Variants in CTNNA3 observed in about 807,000 individuals in gnomAD.
CTNNA3 encodes catenin alpha-3.
CTNNA3 carries 76 observed loss-of-function variants against 95.7 expected under a neutral mutation model. That is an observed-to-expected ratio of 0.79 (90% CI 0.66 to 0.96). The LOEUF (loss-of-function observed/expected upper bound fraction) is 0.96, where lower values mean the gene tolerates loss of function less well. Ranked by LOEUF, CTNNA3 falls within the 40% of genes least tolerant of loss-of-function variation. CTNNA3 has a pLI of 0.00. For missense variants in CTNNA3, 1,191 were observed against 1,089.8 expected, an observed-to-expected ratio of 1.09 and a Z score of -1.31; for synonymous variants, 431 against 374.4, an observed-to-expected ratio of 1.15 and a Z score of -1.74.
chr10:66,243,717 G>A (rs1452701985), intron 13 of CTNNA3, among the ~76,000 whole-genome samples: 2 of 152,184 alleles, frequency 1.3e-5, no homozygotes, highest in African/African-American at 4.8e-5. Flanking sequence ...TCCTGAGGCT[G>A]AGTCATGATC....
chr10:67,696,757 T>C (rs1293120374), upstream of CTNNA3, among the ~76,000 whole-genome samples: 1 of 151,310 alleles, frequency 6.6e-6, no homozygotes, highest in Non-Finnish European at 1.5e-5. Context: ...TTTCTCTCTA[T>C]GACTATTCTT....
intron 2 of CTNNA3, among the ~76,000 whole-genome samples, chr10:67,637,221 A>G (rs900820710): frequency 3.9e-5 from 6 of 152,236 alleles, no homozygotes; most frequent in African/African-American, 1.4e-4. Context: ...ACGAATGCAC[A>G]AGCTTCGGCA....
intron 7 of CTNNA3, among the ~76,000 whole-genome samples, chr10:66,986,746 G>C (rs1850749928): frequency 6.6e-6 from 1 of 151,994 alleles, no homozygotes; most frequent in African/African-American, 2.4e-5. Context: ...GCAAAACAGA[G>C]ATCATACTAC....
chr10:65,973,411 C>T (rs1358358247), intron 16 of CTNNA3, among the ~76,000 whole-genome samples: 1 of 152,074 alleles, frequency 6.6e-6, no homozygotes, highest in Non-Finnish European at 1.5e-5. Context: ...ACATAGACAA[C>T]CCACACAATG....
At chr10:66,756,628 G>T (rs995504562) in intron 9 of CTNNA3, among the ~76,000 whole-genome samples, 3 of 151,952 alleles carry the variant, frequency 2.0e-5, no homozygotes, top group Non-Finnish European at 4.4e-5. Context: ...AACATTGCTT[G>T]CAAGCAGCAG....
intron 14 of CTNNA3, among the ~76,000 whole-genome samples, chr10:66,094,597 G>A (rs1470630814): frequency 6.6e-6 from 1 of 152,084 alleles, no homozygotes; most frequent in Non-Finnish European, 1.5e-5. Flanking sequence ...CTTTCTCCAA[G>A]TTGTAAAACC....
At chr10:67,103,152 G>A (rs1271406001) in intron 7 of CTNNA3, among the ~76,000 whole-genome samples, 1 of 151,574 alleles carries the variant, frequency 6.6e-6, no homozygotes, top group East Asian at 1.9e-4. Context: ...GCTAAGTTTT[G>A]AAAAATAGTG....
At chr10:67,523,729 A>T (rs1390886992) in intron 4 of CTNNA3, among the ~76,000 whole-genome samples, 1 of 152,152 alleles carries the variant, frequency 6.6e-6, no homozygotes, top group East Asian at 1.9e-4. Flanking sequence ...AACACAGCCA[A>T]AATCAGTTCA....
intron 15 of CTNNA3, among the ~76,000 whole-genome samples, chr10:65,991,827 G>A (rs1166457672): frequency 6.6e-6 from 1 of 152,054 alleles, no homozygotes; most frequent in Non-Finnish European, 1.5e-5. Context: ...ATCTTGTTCC[G>A]GATCTTGATA....
At chr10:66,903,199 C>T (rs771173042) in intron 7 of CTNNA3, among the ~76,000 whole-genome samples, 1 of 152,150 alleles carries the variant, frequency 6.6e-6, no homozygotes. Context: ...CAGCTTCATC[C>T]CTGAGATTCA....
At chr10:67,443,757 T>C (rs1846628094) in intron 5 of CTNNA3, among the ~76,000 whole-genome samples, 1 of 152,078 alleles carries the variant, frequency 6.6e-6, no homozygotes, top group African/African-American at 2.4e-5. Context: ...GCCTGTTCAC[T>C]CTGATGGTAG....
chr10:66,067,342 A>C, intron 15 of CTNNA3, among the ~76,000 whole-genome samples: 1 of 152,204 alleles, frequency 6.6e-6, no homozygotes, highest in Non-Finnish European at 1.5e-5. Flanking sequence ...ACATGTTCAG[A>C]GAAGCCAAGA....
intron 7 of CTNNA3, among the ~76,000 whole-genome samples, chr10:66,890,588 A>G (rs1845229191): frequency 6.6e-6 from 1 of 152,058 alleles, no homozygotes; most frequent in East Asian, 1.9e-4. Flanking sequence ...GAAGGGTGCA[A>G]TGGGAGTAAA....
chr10:67,022,983 A>C (rs974082691), intron 7 of CTNNA3, among the ~76,000 whole-genome samples: 4 of 152,118 alleles, frequency 2.6e-5, no homozygotes, highest in Admixed American at 1.3e-4. Context: ...AAATTTTCTG[A>C]GTGAAATTTA....
chr10:66,659,493 C>A (rs1001830105), intron 9 of CTNNA3, among the ~76,000 whole-genome samples: 1 of 152,104 alleles, frequency 6.6e-6, no homozygotes, highest in Non-Finnish European at 1.5e-5. Flanking sequence ...CTTAGAAAGA[C>A]CTATTGTGTA....
intron 9 of CTNNA3, among the ~76,000 whole-genome samples, chr10:66,726,882 AATTTCACCTT>A (rs1274857570): frequency 6.6e-6 from 1 of 152,112 alleles, no homozygotes; most frequent in African/African-American, 2.4e-5. Flanking sequence ...TCCAGCAGAA[AATTTCACCTT>A]CAATCAAGTA....
intron 9 of CTNNA3, among the ~76,000 whole-genome samples, chr10:66,724,883 T>C (rs1281700293): frequency 6.6e-6 from 1 of 152,282 alleles, no homozygotes; most frequent in East Asian, 1.9e-4. Flanking sequence ...GTTCTCAGTA[T>C]TGTAAAGGGA....
chr10:66,927,207 C>T lies in CTNNA3; in HGVS notation c.1048-151683G>A, dbSNP rs777020539. On this transcript the variant is annotated intron_variant, in intron 7 of 17. Coordinates refer to ENST00000433211, the MANE Select transcript of CTNNA3 (RefSeq NM_013266.4). The surrounding 1 kb of genome is among the most constrained non-coding windows in gnomAD (Gnocchi z 4.7). ...GGCTATACCTTGACCATAACCATAT[C>T]AGCAATATTGACGAAAATGCTTTTA... 6.2e-7 allele frequency: 1 copy of T among 1,614,148 alleles called. No homozygotes were observed. Among genetic ancestry groups the T allele is most frequent in the Middle Eastern group, 1.6e-4 (1 of 6,062 alleles).
intron 1 of CTNNA3, among the ~76,000 whole-genome samples, chr10:67,687,821 A>G (rs937378408): frequency 6.6e-6 from 1 of 152,126 alleles, no homozygotes; most frequent in African/African-American, 2.4e-5. Flanking sequence ...TCATTGAATA[A>G]TTCACAGGCT....
Sources: gnomAD v4.1 joint callset for allele counts (sites outside exome capture counted in the v4.1 genomes callset) on GRCh38, gnomAD v4.1.1 for gene constraint, Gnocchi (gnomAD v3.1) non-coding constraint, MANE v1.5 for transcripts, NCBI Gene and HGNC (gene_info 2026-07-23, HGNC 2026-07-21) for gene names.